The following ADAMTS12 variants were observed in gnomAD, a reference collection of about 807,000 sequenced individuals.
ADAMTS12 encodes the protein ADAM metallopeptidase with thrombospondin type 1 motif 12, also known as A disintegrin and metalloproteinase with thrombospondin motifs 12.
ADAMTS12 carries 118 observed loss-of-function variants against 167.8 expected under a neutral mutation model. The ratio of observed to expected loss-of-function variants is 0.70; its 90% confidence interval spans 0.61 to 0.82. The LOEUF (loss-of-function observed/expected upper bound fraction) is 0.82. Among genes scored for constraint, ADAMTS12 ranks in the 40% least tolerant of loss-of-function variants. ADAMTS12 has a pLI of 0.00. For synonymous variants in ADAMTS12, 704 were observed against 716.9 expected, an observed-to-expected ratio of 0.98 and a Z score of 0.29; for missense variants, 1,916 against 1,998.8, an observed-to-expected ratio of 0.96 and a Z score of 0.79.
At chr5:33,852,206 GA>G (rs988541018) in intron 2 of ADAMTS12, among the ~76,000 whole-genome samples, 22 of 150,778 alleles carry the variant, frequency 1.5e-4, no homozygotes, top group African/African-American at 4.9e-4. Flanking sequence ...TTGGTAAACA[GA>G]AAAAAAAAGT....
intron 2 of ADAMTS12, among the ~76,000 whole-genome samples, chr5:33,826,063 G>T (rs916071359): frequency 2.6e-5 from 4 of 152,108 alleles, no homozygotes; most frequent in African/African-American, 7.2e-5. Context: ...GTTAGGAGGT[G>T]TTAAAAAAAG....
chr5:33,533,819 A>T (rs1744238715), intron 23 of ADAMTS12, among the ~76,000 whole-genome samples: 1 of 152,136 alleles, frequency 6.6e-6, no homozygotes, highest in African/African-American at 2.4e-5. Flanking sequence ...CATGTCCCAG[A>T]CAGAACTCAC....
intron 2 of ADAMTS12, among the ~76,000 whole-genome samples, chr5:33,786,114 T>A (rs920833569): frequency 4.6e-5 from 7 of 152,324 alleles, no homozygotes; most frequent in African/African-American, 1.7e-4. Context: ...AAAATGCATC[T>A]AATGAAAGAC....
Position 33,617,608 on chromosome 5 carries a change from CA to C in ADAMTS12, c.2144-1537del, listed in dbSNP as rs372008477. 3.0e-3 allele frequency among the ~76,000 whole-genome samples: 459 copies of C among 152,228 alleles called. 2 individuals are homozygous for C. Among genetic ancestry groups the C allele is most frequent in the African/African-American group, 9.0e-3 (372 of 41,542 alleles). On this transcript the variant is annotated intron_variant, in intron 14 of 23. Transcript: ENST00000504830. The stretch of plus-strand genomic sequence containing the variant: ...TGACCACCTCCGGGAAGATATTGAT[CA>C]CATGTAATCGAGGCTAATGGTTTTA...
At chr5:33,779,090 C>T (rs1327959401) in intron 2 of ADAMTS12, among the ~76,000 whole-genome samples, 2 of 151,764 alleles carry the variant, frequency 1.3e-5, no homozygotes, top group African/African-American at 4.8e-5. Context: ...TTATAGAAAA[C>T]ATTATGAAGG....
intron 2 of ADAMTS12, among the ~76,000 whole-genome samples, chr5:33,826,194 T>G (rs910847930): frequency 6.6e-6 from 1 of 152,190 alleles, no homozygotes; most frequent in African/African-American, 2.4e-5. Context: ...TTTTCTCTAC[T>G]TCTCTTTGAA....
chr5:33,846,509 T>G (rs1748951394), intron 2 of ADAMTS12, among the ~76,000 whole-genome samples: 1 of 152,248 alleles, frequency 6.6e-6, no homozygotes, highest in Non-Finnish European at 1.5e-5. Flanking sequence ...GCTCATCTTC[T>G]AGGAAGACGG....
chr5:33,847,330 C>A (rs1470376946), intron 2 of ADAMTS12, among the ~76,000 whole-genome samples: 1 of 152,128 alleles, frequency 6.6e-6, no homozygotes, highest in African/African-American at 2.4e-5. Flanking sequence ...TAATAAAAAA[C>A]AGGAAGTTTC....
chr5:33,623,457 G>T (rs1385591502), intron 14 of ADAMTS12, among the ~76,000 whole-genome samples: 5 of 152,188 alleles, frequency 3.3e-5, no homozygotes, highest in Admixed American at 3.3e-4. Flanking sequence ...CCATATAATG[G>T]TTCACCCTTT....
intron 15 of ADAMTS12, among the ~76,000 whole-genome samples, chr5:33,615,053 A>C (rs1171871094): frequency 2.0e-5 from 3 of 152,182 alleles, no homozygotes; most frequent in Non-Finnish European, 4.4e-5. Context: ...CTTCCCTCTC[A>C]TGCAGGCAAT....
intron 2 of ADAMTS12, among the ~76,000 whole-genome samples, chr5:33,836,727 GAGA>G (rs1487782810): frequency 6.6e-6 from 1 of 152,080 alleles, no homozygotes; most frequent in African/African-American, 2.4e-5. Context: ...AGAACTGAGG[GAGA>G]AGAACCTGGG....
At chr5:33,838,129 TGTG>T (rs1362803602) in intron 2 of ADAMTS12, among the ~76,000 whole-genome samples, 1 of 152,136 alleles carries the variant, frequency 6.6e-6, no homozygotes, top group African/African-American at 2.4e-5. Flanking sequence ...CTCACACAGG[TGTG>T]GTGTATAGCT....
intron 3 of ADAMTS12, among the ~76,000 whole-genome samples, chr5:33,710,570 T>A (rs1232953734): frequency 6.6e-6 from 1 of 152,192 alleles, no homozygotes; most frequent in African/African-American, 2.4e-5. Flanking sequence ...TGAGCAATAA[T>A]GACATGGCTC....
intron 5 of ADAMTS12, among the ~76,000 whole-genome samples, chr5:33,675,032 G>A (rs1301893107): frequency 6.6e-6 from 1 of 152,146 alleles, no homozygotes; most frequent in African/African-American, 2.4e-5. Context: ...TGTCTTGGAT[G>A]CTTGCTTGCC....
In ADAMTS12 at chr5:33,781,351, C is replaced by G. The variant is rs76397321; in HGVS notation, c.490-29803G>C. On this transcript the variant is annotated intron_variant, in intron 2 of 23. Transcript: ENST00000504830. ...TACCAAGAAGTCATCTAACTTAGTCCTTCTCACACATTAAAGTACATGAGA... is the reference window on the plus strand; with the variant it reads ...TACCAAGAAGTCATCTAACTTAGTCGTTCTCACACATTAAAGTACATGAGA... Among the ~76,000 whole-genome samples, 1,341 of 152,100 alleles carry G rather than the reference C, an allele frequency of 8.8e-3. 19 individuals carry two copies. The highest frequency in any genetic ancestry group is 0.031 in the African/African-American group (1,280 of 41,478).
At chr5:33,667,317 CAAA>C (rs5867201) in intron 5 of ADAMTS12, among the ~76,000 whole-genome samples, 160 of 78,346 alleles carry the variant, frequency 2.0e-3, no homozygotes, top group African/African-American at 7.4e-3. Context: ...GACTCTGTCT[CAAA>C]AAAAAAAAAA....
Position 33,577,165 on chromosome 5 carries a change from AAGAG to A in ADAMTS12, c.2866-9_2866-6del. 1 of 1,614,096 alleles carries A rather than the reference AAGAG, an allele frequency of 6.2e-7. No individual in the cohort carries two copies. Among genetic ancestry groups the A allele is most frequent in the Non-Finnish European group, 8.5e-7 (1 of 1,180,002 alleles). On this transcript the variant is annotated splice_polypyrimidine_tract_variant and splice_region_variant and intron_variant, in intron 18 of 23. Coordinates refer to ENST00000504830, the MANE Select transcript of ADAMTS12 (RefSeq NM_030955.4). Reference sequence around the variant, plus strand: ...ACCACCACAGGAAACAGAACACTAGAAGAGAGAAACAGCTGTTAGCCTGGCGAGA... The same window carrying A: ...ACCACCACAGGAAACAGAACACTAGAAGAAACAGCTGTTAGCCTGGCGAGA...
At chr5:33,660,962 A>G (rs1393614584) in intron 6 of ADAMTS12, among the ~76,000 whole-genome samples, 2 of 152,184 alleles carry the variant, frequency 1.3e-5, no homozygotes, top group African/African-American at 2.4e-5. Flanking sequence ...TAGGGATTCT[A>G]TGCATTGAGA....
chr5:33,570,672 G>A (rs564295127), intron 19 of ADAMTS12, among the ~76,000 whole-genome samples: 29 of 152,056 alleles, frequency 1.9e-4, no homozygotes, highest in Non-Finnish European at 2.4e-4. Flanking sequence ...TCGAGATTAG[G>A]AAGAAACTGC....
Sources: gnomAD v4.1 joint callset for allele counts (sites outside exome capture counted in the v4.1 genomes callset) on GRCh38, gnomAD v4.1.1 for gene constraint, MANE v1.5 for transcripts, NCBI Gene and HGNC (gene_info 2026-07-23, HGNC 2026-07-21) for gene names.